SKAP2: variants seen among roughly 807,000 people sequenced by gnomAD.
SKAP2 encodes src kinase-associated phosphoprotein 2.
A neutral mutation model predicts 54.9 loss-of-function variants in SKAP2; 28 were observed. The ratio of observed to expected loss-of-function variants is 0.51; its 90% CI spans 0.38 to 0.70. The LOEUF (loss-of-function observed/expected upper bound fraction) is 0.70, where lower values mean the gene tolerates loss of function less well. SKAP2 is among the 30% of genes least tolerant of loss of function. SKAP2 has a pLI of 0.00. For missense variants in SKAP2, 356 were observed against 424.1 expected, an observed-to-expected ratio of 0.84 and a Z score of 1.41; for synonymous variants, 137 against 134.3, an observed-to-expected ratio of 1.02 and a Z score of -0.14.
chr7:26,699,430 T>C (rs1786975467), intron 9 of SKAP2, among the ~76,000 whole-genome samples: 1 of 152,146 alleles, frequency 6.6e-6, no homozygotes, highest in South Asian at 2.1e-4. Context: ...GGGGGAAATA[T>C]AGTTATTTTT....
At chr7:26,804,678 G>T (rs1459525133) in intron 4 of SKAP2, among the ~76,000 whole-genome samples, 1 of 150,544 alleles carries the variant, frequency 6.6e-6, no homozygotes, top group Non-Finnish European at 1.5e-5. Context: ...GGCGGAGGTT[G>T]CAGTGAGCCG....
At chr7:26,733,966 T>C (rs142503296) in intron 6 of SKAP2, among the ~76,000 whole-genome samples, 3 of 152,064 alleles carry the variant, frequency 2.0e-5, no homozygotes, top group Non-Finnish European at 2.9e-5. Flanking sequence ...TAGGTTCATA[T>C]CATAATGTTG....
intron 4 of SKAP2, among the ~76,000 whole-genome samples, chr7:26,816,164 T>C (rs1784261625): frequency 6.6e-6 from 1 of 152,112 alleles, no homozygotes; most frequent in Non-Finnish European, 1.5e-5. Context: ...CTTTGTGCTA[T>C]ATAAAGAATG....
intron 4 of SKAP2, among the ~76,000 whole-genome samples, chr7:26,772,301 G>A (rs1783205230): frequency 6.6e-6 from 1 of 152,136 alleles, no homozygotes; most frequent in South Asian, 2.1e-4. Flanking sequence ...TGTCACTGGG[G>A]TTTGGTGTAC....
At chr7:26,683,192 T>G (rs970818483) in intron 11 of SKAP2, among the ~76,000 whole-genome samples, 1 of 152,200 alleles carries the variant, frequency 6.6e-6, no homozygotes, top group African/African-American at 2.4e-5. Flanking sequence ...TTAGGAATGA[T>G]TCCAAGAAAG....
chr7:26,814,523 C>A (rs1374575998), intron 4 of SKAP2, among the ~76,000 whole-genome samples: 22 of 143,846 alleles, frequency 1.5e-4, no homozygotes, highest in Non-Finnish European at 2.2e-4. Context: ...ATAATCCCAG[C>A]GAAATCACTC....
chr7:26,816,611 A>C (rs213533), intron 4 of SKAP2, among the ~76,000 whole-genome samples: 21,129 of 152,050 alleles, frequency 0.14, 1,676 homozygotes, highest in African/African-American at 0.2. Flanking sequence ...CAATTTTTAC[A>C]ATATAAGTAT....
intron 4 of SKAP2, among the ~76,000 whole-genome samples, chr7:26,771,666 T>C (rs2127975134): frequency 6.6e-6 from 1 of 152,334 alleles, no homozygotes; most frequent in South Asian, 2.1e-4. Context: ...AAACAGGAAT[T>C]TACAAGCTGT....
intron 6 of SKAP2, among the ~76,000 whole-genome samples, chr7:26,735,812 T>TA (rs1020832236): frequency 9.2e-5 from 14 of 151,980 alleles, no homozygotes; most frequent in Non-Finnish European, 1.8e-4. Flanking sequence ...GAAAAAGATA[T>TA]AAAGGAAGGA....
chr7:26,693,139 C>A (rs1227211734), intron 9 of SKAP2, among the ~76,000 whole-genome samples: 3 of 152,044 alleles, frequency 2.0e-5, no homozygotes, highest in African/African-American at 7.3e-5. Flanking sequence ...CGAGACAAGC[C>A]TGGCCAACAT....
intron 9 of SKAP2, among the ~76,000 whole-genome samples, chr7:26,719,365 A>T (rs1787529866): frequency 6.6e-6 from 1 of 152,108 alleles, no homozygotes. Context: ...CAATCCTACT[A>T]GCCTCTTCAA....
chr7:26,679,620 C>T (rs1420195090), intron 11 of SKAP2, among the ~76,000 whole-genome samples: 1 of 152,214 alleles, frequency 6.6e-6, no homozygotes, highest in Non-Finnish European at 1.5e-5. Context: ...TTCAGATATC[C>T]TAGTTACTCT....
rs571896332 is a variant in SKAP2 at position 26,814,058 on chromosome 7, T to C, written c.307+29972A>G. ...TTCATATGAAGCTACAGCTAAAAATTGATCAAACGATGCTACTCTATAAAT... is the reference window on the plus strand; with the variant it reads ...TTCATATGAAGCTACAGCTAAAAATCGATCAAACGATGCTACTCTATAAAT... On this transcript the variant is annotated intron_variant, in intron 4 of 12. Coordinates refer to ENST00000345317, the MANE Select transcript of SKAP2 (RefSeq NM_003930.5). Among the ~76,000 whole-genome samples the C allele has an allele frequency of 4.3e-4, 65 of 152,290 alleles. No homozygotes were observed. In the South Asian group the frequency reaches 0.012, roughly 29 times the overall value.
At chr7:26,683,985 T>C (rs1319839559) in intron 11 of SKAP2, among the ~76,000 whole-genome samples, 1 of 152,082 alleles carries the variant, frequency 6.6e-6, no homozygotes, top group East Asian at 1.9e-4. Flanking sequence ...AATTTTTAAA[T>C]CCCCATATTA....
At chr7:26,804,996 T>C (rs901867594) in intron 4 of SKAP2, among the ~76,000 whole-genome samples, 4 of 152,234 alleles carry the variant, frequency 2.6e-5, no homozygotes, top group East Asian at 3.9e-4. Context: ...ATCCAGAATA[T>C]GATGTCTAAT....
At chr7:26,710,142 G>A (rs529559255) in intron 9 of SKAP2, among the ~76,000 whole-genome samples, 9 of 152,156 alleles carry the variant, frequency 5.9e-5, no homozygotes, top group Admixed American at 3.9e-4. Flanking sequence ...CACTATTCAG[G>A]TATTATTTAT....
chr7:26,801,122 T>C (rs530884066), intron 4 of SKAP2, among the ~76,000 whole-genome samples: 17 of 152,180 alleles, frequency 1.1e-4, no homozygotes, highest in South Asian at 1.0e-3. Flanking sequence ...ATACAAGCAA[T>C]CTGAATTCAA....
intron 9 of SKAP2, among the ~76,000 whole-genome samples, chr7:26,700,726 C>A (rs1056734030): frequency 6.6e-6 from 1 of 152,212 alleles, no homozygotes. Flanking sequence ...CATCCATAAA[C>A]CTTCTACATA....
At chr7:26,693,169 T>C (rs1481944166) in intron 9 of SKAP2, among the ~76,000 whole-genome samples, 1 of 151,996 alleles carries the variant, frequency 6.6e-6, no homozygotes, top group African/African-American at 2.4e-5. Flanking sequence ...ACGTCTCTAC[T>C]AAAAATACAA....
Sources: allele counts gnomAD v4.1 joint callset (sites outside exome capture counted in the v4.1 genomes callset), GRCh38; gene constraint gnomAD v4.1.1; transcripts MANE v1.5; gene names NCBI Gene and HGNC (gene_info 2026-07-23, HGNC 2026-07-21).